The following KANK3 variants were observed in gnomAD, a reference collection of about 807,000 sequenced individuals.
KANK3 encodes KN motif and ankyrin repeat domain-containing protein 3.
Under a neutral mutation model 65.4 loss-of-function variants are expected in KANK3, and 61 were observed. The ratio of observed to expected loss-of-function variants is 0.93; its 90% CI spans 0.76 to 1.15. The LOEUF (loss-of-function observed/expected upper bound fraction) is 1.15. Ranked by LOEUF, KANK3 falls within the 50% of genes most tolerant of loss-of-function variation. The pLI is 0.00. For synonymous variants in KANK3, 586 were observed against 543.3 expected (o/e 1.08, Z -1.09); for missense variants, 1,187 against 1,178.8 (o/e 1.01, Z -0.10).
intron 1 of KANK3, among the ~76,000 whole-genome samples, chr19:8,339,123 A>G (rs1174623309): frequency 1.3e-5 from 2 of 152,116 alleles, no homozygotes; most frequent in Admixed American, 6.6e-5. Context: ...GTGACTATTC[A>G]TGGGGCTGCC....
chr19:8,324,589 T>C lies in KANK3; in HGVS notation c.2283+41A>G. ...ACAGTCAGATCCCTGAGCCAAGCCATGGGCACCCCCCAAGATGCCAGCCCC... is the reference window on the plus strand; with the variant it reads ...ACAGTCAGATCCCTGAGCCAAGCCACGGGCACCCCCCAAGATGCCAGCCCC... On this transcript the variant is annotated intron_variant, in intron 9 of 10. Transcript: ENST00000330915. 2.5e-6 allele frequency: 4 copies of C among 1,612,390 alleles called. No individual in the cohort carries two copies. The Middle Eastern group carries it at 6.6e-4, about 266-fold the overall frequency.
chr19:8,337,696 C>T, intron 2 of KANK3, 99 bp downstream of exon 2: 2 of 1,396,092 alleles, frequency 1.4e-6, no homozygotes, highest in Non-Finnish European at 2.0e-6. Context: ...TTGGAGAGGA[C>T]TGCACTCTAG....
chr19:8,335,970 C>T lies in KANK3; in HGVS notation c.35-178G>A, dbSNP rs146273761. Among the ~76,000 whole-genome samples the T allele has an allele frequency of 8.4e-4, 128 of 152,338 alleles. 1 individual carries two copies. Among genetic ancestry groups the T allele is most frequent in the African/African-American group, 2.8e-3 (118 of 41,576 alleles). ...TCTGTGCTAAGCAAGTTTCTAGGCC[C>T]GGGGGACACAGCAGTGAGCAAGACA... is the stretch of plus-strand genomic sequence containing the variant. On this transcript the variant is annotated intron_variant, in intron 2 of 10. Coordinates refer to ENST00000330915, the MANE Select transcript of KANK3 (RefSeq NM_198471.3).
At chr19:8,342,360 T>A (rs1212504856) in intron 1 of KANK3, among the ~76,000 whole-genome samples, 1 of 152,102 alleles carries the variant, frequency 6.6e-6, no homozygotes, top group Non-Finnish European at 1.5e-5. Flanking sequence ...GCCCACCACC[T>A]CTGCGGCTTC....
In KANK3 at chr19:8,334,975, G is replaced by A. The variant is rs1325933387; in HGVS notation, c.852C>T (p.Leu284=). 3 of 1,494,198 alleles carry A rather than the reference G, an allele frequency of 2.0e-6. No individual in the cohort carries two copies. Among genetic ancestry groups the A allele is most frequent in the Non-Finnish European group, 2.7e-6 (3 of 1,132,016 alleles). The allele number at this position is 1,494,198 out of a possible 1,614,324, so 92.6% of individuals were successfully genotyped here. ...TCCCGACCTCCCCGTCGAGGACCTGGAGCGCGCCCTCGCTGCGCCCTGCAG... is the reference window on the plus strand; with the variant it reads ...TCCCGACCTCCCCGTCGAGGACCTGAAGCGCGCCCTCGCTGCGCCCTGCAG... The part of the protein sequence containing the change: ...GLAAGRSEGA[L]QVLDGEVGSL... The change falls in exon 3 of 11, where the codon CTC becomes CTT. Residue 284 remains leucine, a synonymous_variant. Transcript: ENST00000330915.
intron 1 of KANK3, among the ~76,000 whole-genome samples, chr19:8,342,240 T>C (rs1292342633): frequency 2.0e-5 from 3 of 152,078 alleles, no homozygotes; most frequent in Non-Finnish European, 4.4e-5. Context: ...AGATCAGCCC[T>C]ACTTGACCTC....
intron 10 of KANK3, among the ~76,000 whole-genome samples, chr19:8,324,002 G>A (rs978821663): frequency 3.9e-5 from 6 of 152,168 alleles, no homozygotes; most frequent in Non-Finnish European, 7.4e-5. Flanking sequence ...GGTAACAGGA[G>A]CCCAGGGGCA....
In KANK3 at chr19:8,334,806, T is replaced by A; in HGVS notation, c.1021A>T (p.Thr341Ser). The stretch of plus-strand genomic sequence containing the variant: ...GCAGGCAGCCCCAGCAGCGCCTCGG[T>A]CACCCACGCGTCCGCCTCCACGGTC... ...PETVEADAWV[T>S]EALLGLPAAA... Residue 341 changes from threonine (T) to serine (S), a missense_variant, in exon 3 of 11, where the codon ACC becomes TCC. By Grantham distance (58) the Thr-to-Ser change is moderately conservative. This residue lies in a region of KANK3 where 1,078 missense variants were observed against 1,038.2 expected (regional missense o/e 1.04). Coordinates refer to ENST00000330915, the MANE Select transcript of KANK3 (RefSeq NM_198471.3). The A allele has an allele frequency of 6.7e-7, 1 of 1,494,592 alleles. No homozygotes were observed. Among genetic ancestry groups the A allele is most frequent in the African/African-American group, 1.5e-5 (1 of 67,948 alleles). 92.6% of individuals were successfully genotyped at this position (1,494,592 alleles called of 1,614,324 possible). A position where few individuals can be genotyped will look rare whatever the true frequency, so the allele number is the denominator to read the frequency against.
chr19:8,325,740 A>C (rs965645318), intron 7 of KANK3, among the ~76,000 whole-genome samples: 1 of 152,178 alleles, frequency 6.6e-6, no homozygotes, highest in Non-Finnish European at 1.5e-5. Context: ...CCACCCGCCA[A>C]GCCACCATCA....
At chr19:8,342,920 G>A (rs1970739089) in intron 1 of KANK3, among the ~76,000 whole-genome samples, 1 of 152,132 alleles carries the variant, frequency 6.6e-6, no homozygotes, top group South Asian at 2.1e-4. Context: ...GGGGTCCCCA[G>A]GCCGTCCCGG....
intron 7 of KANK3, chr19:8,332,686 G>A (rs7259802): frequency 0.081 from 12,562 of 155,172 alleles, 577 homozygotes; most frequent in Middle Eastern, 0.11. Flanking sequence ...GCATGGTGGC[G>A]CACATCTGTA....
intron 7 of KANK3, among the ~76,000 whole-genome samples, chr19:8,330,082 A>G (rs1258931119): frequency 6.6e-6 from 1 of 152,148 alleles, no homozygotes; most frequent in African/African-American, 2.4e-5. Flanking sequence ...CAGTGACAAG[A>G]TGCTCCAAGG....
intron 4 of KANK3, 92 bp downstream of exon 4, chr19:8,334,228 C>T: frequency 6.4e-7 from 1 of 1,557,500 alleles, no homozygotes; most frequent in South Asian, 1.2e-5. Flanking sequence ...GAGGATTGCC[C>T]AGACCACGCT....
intron 7 of KANK3, 135 bp from the exon 8 acceptor site, chr19:8,325,231 G>C: frequency 1.2e-6 from 1 of 852,170 alleles, no homozygotes; most frequent in Non-Finnish European, 1.7e-6. Context: ...ATAGCTACCT[G>C]GTTCCTCCCT....
Position 8,326,194 on chromosome 19 carries a change from G to A in KANK3, c.1937-1098C>T, listed in dbSNP as rs149446624. Among the ~76,000 whole-genome samples, 395 of 152,190 alleles carry A rather than the reference G, an allele frequency of 2.6e-3. 2 individuals carry two copies. Among genetic ancestry groups the A allele is most frequent in the African/African-American group, 8.8e-3 (364 of 41,556 alleles). Reference sequence around the variant, plus strand: ...GTCTGTAATCCCAGCACTTTGAGAGGCCGAGGTGGTTGATCACTTGAGGTC... The same window carrying A: ...GTCTGTAATCCCAGCACTTTGAGAGACCGAGGTGGTTGATCACTTGAGGTC... On this transcript the variant is annotated intron_variant, in intron 7 of 10. Coordinates refer to ENST00000330915, the MANE Select transcript of KANK3 (RefSeq NM_198471.3).
Position 8,336,428 on chromosome 19 carries a change from C to A in KANK3, c.35-636G>T, listed in dbSNP as rs564914488. ...CTCCAGCCTGGGCGACAGAAGAGAA[C>A]CTCTCAAAAAAAAAAAAAAGTAGCC... On this transcript the variant is annotated intron_variant, in intron 2 of 10. Transcript: ENST00000330915. Among the ~76,000 whole-genome samples the A allele has an allele frequency of 1.6e-3, 160 of 102,566 alleles. 3 individuals carry two copies. In the Middle Eastern group the frequency reaches 0.058, roughly 37 times the overall value. 67.3% of individuals were successfully genotyped at this position (102,566 alleles called of 152,430 possible).
At chr19:8,334,151 C>T (rs1970584019) in intron 4 of KANK3, 35 bp from the exon 5 acceptor site, 1 of 1,490,620 alleles carries the variant, frequency 6.7e-7, no homozygotes. Flanking sequence ...GCTAAACCTC[C>T]CCTGTGGGCT....
intron 1 of KANK3, among the ~76,000 whole-genome samples, chr19:8,341,235 T>A (rs1219823792): frequency 1.3e-5 from 2 of 150,732 alleles, no homozygotes; most frequent in African/African-American, 4.9e-5. Context: ...TTTTTTTTTT[T>A]TTTTTTTAGA....
rs1970399229 is a variant in KANK3 at position 8,325,041 on chromosome 19, A to G, written c.1992T>C (p.Ala664=). The change falls in exon 8 of 11, where the codon GCT becomes GCC. Residue 664 remains alanine, a synonymous_variant. Coordinates refer to ENST00000330915, the MANE Select transcript of KANK3 (RefSeq NM_198471.3). ...CTTCCTGCCTCACAGAGGTGAGTGC[A>G]GCCAGCATGAGGGCCGAGTAGCCGG... The part of the protein sequence containing the change: ...NRAGYSALML[A]ALTSVRQEEE... The G allele has an allele frequency of 6.2e-7, 1 of 1,613,674 alleles. No individual in the cohort carries two copies. The highest frequency in any genetic ancestry group is 8.5e-7 in the Non-Finnish European group (1 of 1,179,988).
Sources: gnomAD v4.1 joint callset for allele counts (sites outside exome capture counted in the v4.1 genomes callset) on GRCh38, gnomAD v4.1.1 for gene constraint, gnomAD v4.1.1 regional missense constraint, MANE v1.5 for transcripts, NCBI Gene and HGNC (gene_info 2026-07-23, HGNC 2026-07-21) for gene names.